RIMS2: variants seen among roughly 807,000 people sequenced by gnomAD.
RIMS2 encodes regulating synaptic membrane exocytosis 2, also known as regulating synaptic membrane exocytosis protein 2.
In RIMS2, 59 loss-of-function variants were observed where a neutral mutation model predicts 174.4. The observed-to-expected ratio is 0.34, with a 90% CI of 0.27 to 0.42. RIMS2 has a LOEUF of 0.42. Ranked by LOEUF, RIMS2 falls within the 10% of genes least tolerant of loss-of-function variation. RIMS2 has a pLI of 1.00. For missense variants in RIMS2, 1,620 were observed against 1,666.3 expected, an observed-to-expected ratio of 0.97 and a Z score of 0.48; for synonymous variants, 606 against 572.5, an observed-to-expected ratio of 1.06 and a Z score of -0.84.
intron 1 of RIMS2, among the ~76,000 whole-genome samples, chr8:103,603,736 C>T (rs1233797674): frequency 2.1e-5 from 3 of 143,888 alleles, no homozygotes; most frequent in Non-Finnish European, 4.6e-5. Context: ...ATTTGCATTT[C>T]TCTGATGGCC....
At chr8:104,153,639 C>T (rs908832817) in intron 19 of RIMS2, among the ~76,000 whole-genome samples, 7 of 151,974 alleles carry the variant, frequency 4.6e-5, no homozygotes, top group African/African-American at 7.2e-5. Flanking sequence ...GAGTAATCCG[C>T]GGGTAGCATT....
chr8:103,903,294 A>G (rs1346859225), intron 4 of RIMS2, among the ~76,000 whole-genome samples: 1 of 152,136 alleles, frequency 6.6e-6, no homozygotes, highest in Non-Finnish European at 1.5e-5. Context: ...AGCTTCAACT[A>G]TAAAACTCTT....
chr8:103,644,482 G>C (rs1395731865), intron 1 of RIMS2, among the ~76,000 whole-genome samples: 1 of 152,030 alleles, frequency 6.6e-6, no homozygotes, highest in South Asian at 2.1e-4. Flanking sequence ...GAATGTAGGA[G>C]TTCACTGTTA....
intron 19 of RIMS2, among the ~76,000 whole-genome samples, chr8:104,043,539 A>G (rs895842692): frequency 2.6e-5 from 4 of 151,618 alleles, no homozygotes; most frequent in African/African-American, 9.7e-5. Context: ...ATTGGGAAGG[A>G]TGTTAGTTGT....
rs1023698548 is a variant in RIMS2 at position 103,766,556 on chromosome 8, CT to C, written c.698+22del. ...CAGACAGGTAAACATTTTGTTTAAT[CT>C]TTAGGCAAATGTATTACTTTTAGTC... is the stretch of plus-strand genomic sequence containing the variant. On this transcript the variant is annotated intron_variant, in intron 3 of 23. Transcript: ENST00000504942. The C allele has an allele frequency of 7.8e-6, 12 of 1,543,390 alleles. No homozygotes were observed. The highest frequency in any genetic ancestry group is 1.1e-5 in the Non-Finnish European group (12 of 1,128,324).
In RIMS2 at chr8:103,967,170, G is replaced by GTTTTTTTTTTTTTTTTTTTTTTT. The variant is rs71575988; in HGVS notation, c.2770+6045_2770+6067dup. Among the ~76,000 whole-genome samples, 5 of 24,962 alleles carry GTTTTTTTTTTTTTTTTTTTTTTT rather than the reference G, an allele frequency of 2.0e-4. 1 individual carries two copies. The highest frequency in any genetic ancestry group is 1.1e-3 in the African/African-American group (5 of 4,738). The allele number at this position is 24,962 out of a possible 152,430, so 16.4% of individuals were successfully genotyped here. ...TTTTCTGCCTGCTTGATCTGTTCTT[G>GTTTTTTTTTTTTTTTTTTTTTTT]TTTTTTTTTTTTTTTTTTTTTTTTT... On this transcript the variant is annotated intron_variant, in intron 15 of 23. Transcript: ENST00000504942.
intron 3 of RIMS2, among the ~76,000 whole-genome samples, chr8:103,861,933 T>C (rs750994480): frequency 2.0e-5 from 3 of 152,118 alleles, no homozygotes; most frequent in Non-Finnish European, 2.9e-5. Flanking sequence ...CTGTAAGTTG[T>C]CTATTTACTC....
At chr8:104,083,605 T>A (rs2097473580) in intron 19 of RIMS2, among the ~76,000 whole-genome samples, 1 of 152,232 alleles carries the variant, frequency 6.6e-6, no homozygotes, top group Non-Finnish European at 1.5e-5. Flanking sequence ...TAGTAGATCT[T>A]ATGGGTTTCT....
exon 17 of RIMS2, chr8:103,989,313 T>C (rs894234232): frequency 1.3e-6 from 2 of 1,598,540 alleles, no homozygotes; most frequent in African/African-American, 2.7e-5. Context: ...AGTCGGAATG[T>C]GGAACAGGGG....
chr8:103,764,960 T>A (rs2098152866), intron 2 of RIMS2, among the ~76,000 whole-genome samples: 1 of 152,186 alleles, frequency 6.6e-6, no homozygotes, highest in Non-Finnish European at 1.5e-5. Context: ...AGTACAATGT[T>A]GTGTGATAAG....
intron 2 of RIMS2, among the ~76,000 whole-genome samples, chr8:103,720,126 A>C (rs1591052730): frequency 6.6e-6 from 1 of 152,182 alleles, no homozygotes; most frequent in Admixed American, 6.5e-5. Context: ...TTTCAGAAGT[A>C]TACAAGTTAT....
intron 1 of RIMS2, among the ~76,000 whole-genome samples, chr8:103,510,845 A>G (rs1826110964): frequency 6.6e-6 from 1 of 152,148 alleles, no homozygotes; most frequent in African/African-American, 2.4e-5. Flanking sequence ...AAACATATTT[A>G]TGTGTTCCTG....
chr8:103,768,345 G>A (rs544548714), intron 3 of RIMS2: 22 of 691,858 alleles, frequency 3.2e-5, no homozygotes, highest in South Asian at 2.2e-4. Context: ...GATGATAAAC[G>A]CAAACTCTGC....
At chr8:103,514,915 C>CA (rs148842878) in intron 1 of RIMS2, among the ~76,000 whole-genome samples, 9,378 of 149,184 alleles carry the variant, frequency 0.063, 930 homozygotes, top group African/African-American at 0.21. Context: ...ACAACAACAA[C>CA]AACAAAAAAA....
chr8:103,959,652 A>G (rs1051589325), intron 14 of RIMS2, among the ~76,000 whole-genome samples: 3 of 151,770 alleles, frequency 2.0e-5, no homozygotes, highest in African/African-American at 7.3e-5. Flanking sequence ...TCGAATGCCT[A>G]AGCTCAGTCA....
At chr8:104,117,350 T>A (rs2098294839) in intron 19 of RIMS2, among the ~76,000 whole-genome samples, 1 of 152,174 alleles carries the variant, frequency 6.6e-6, no homozygotes, top group South Asian at 2.1e-4. Context: ...TAATGGACTT[T>A]AAAATTTATA....
At chr8:104,075,332 A>T (rs2097268759) in intron 19 of RIMS2, among the ~76,000 whole-genome samples, 1 of 152,258 alleles carries the variant, frequency 6.6e-6, no homozygotes, top group South Asian at 2.1e-4. Context: ...TGTTTTAAAT[A>T]GAAAGTAATG....
In RIMS2 at chr8:104,012,802, A is replaced by G. The variant is rs59900294; in HGVS notation, c.3045-640A>G. Among the ~76,000 whole-genome samples, 1,014 of 152,232 alleles carry G rather than the reference A, an allele frequency of 6.7e-3. 5 individuals carry two copies. The highest frequency in any genetic ancestry group is 0.023 in the African/African-American group (958 of 41,552). On this transcript the variant is annotated intron_variant, in intron 17 of 23. Coordinates refer to ENST00000504942, the Ensembl canonical transcript of RIMS2. ...GAGATCATGTTGTTTCAGAATTATT[A>G]TTTCAATTAATACCCACTCTGAATT...
intron 2 of RIMS2, among the ~76,000 whole-genome samples, chr8:103,703,043 G>A (rs2097185674): frequency 6.8e-6 from 1 of 147,544 alleles, no homozygotes; most frequent in South Asian, 2.2e-4. Flanking sequence ...GTGCATTGGA[G>A]CCGTCATGGC....
Sources: gnomAD v4.1 joint callset for allele counts (sites outside exome capture counted in the v4.1 genomes callset) on GRCh38, gnomAD v4.1.1 for gene constraint, MANE v1.5 for transcripts, NCBI Gene and HGNC (gene_info 2026-07-23, HGNC 2026-07-21) for gene names.